PAX7: variants seen among roughly 807,000 people sequenced by gnomAD.
PAX7 encodes the protein paired box protein Pax-7.
A neutral mutation model predicts 50.7 loss-of-function variants in PAX7; 18 were observed. The observed-to-expected ratio is 0.36, with a 90% CI of 0.25 to 0.53. The LOEUF (loss-of-function observed/expected upper bound fraction) is 0.53, where lower values mean the gene tolerates loss of function less well. Among genes scored for constraint, PAX7 ranks in the 20% least tolerant of loss-of-function variants. PAX7 has a pLI of 0.93. For missense variants in PAX7, 644 were observed against 702.9 expected (o/e 0.92, Z 0.95); for synonymous variants, 310 against 290.4 (o/e 1.07, Z -0.69).
At chr1:18,743,829 C>T (rs1307344598) in intron 8 of PAX7, among the ~76,000 whole-genome samples, 3 of 152,248 alleles carry the variant, frequency 2.0e-5, no homozygotes, top group Admixed American at 6.5e-5. Flanking sequence ...AGTGCCTGCA[C>T]ATGCACTGGC....
rs56128615 is a variant in PAX7 at position 18,727,350 on chromosome 1, CCT to C, written c.1156-8264_1156-8263del. On this transcript the variant is annotated intron_variant, in intron 7 of 8. Coordinates refer to ENST00000420770, the MANE Select transcript of PAX7 (RefSeq NM_001135254.2). ...TTCACACATGCACACACTCTCTCATCCTCTCTCTCTCTCTCTCTCATACACAC... is the reference window on the plus strand; with the variant it reads ...TTCACACATGCACACACTCTCTCATCCTCTCTCTCTCTCTCTCATACACAC... Among the ~76,000 whole-genome samples the C allele has an allele frequency of 8.6e-3, 1,171 of 135,390 alleles. 9 individuals carry two copies. Among genetic ancestry groups the C allele is most frequent in the Non-Finnish European group, 0.013 (842 of 63,852 alleles). The allele number at this position is 135,390 out of a possible 152,430, so 88.8% of individuals were successfully genotyped here.
intron 8 of PAX7, among the ~76,000 whole-genome samples, chr1:18,737,044 T>C (rs1224273302): frequency 6.6e-6 from 1 of 152,276 alleles, no homozygotes; most frequent in Non-Finnish European, 1.5e-5. Flanking sequence ...CTTTGTGCCT[T>C]GCCTTGAGGC....
chr1:18,682,007 G>A (rs2088908620), intron 4 of PAX7, among the ~76,000 whole-genome samples: 1 of 152,156 alleles, frequency 6.6e-6, no homozygotes, highest in Non-Finnish European at 1.5e-5. Context: ...CAAAGTGCTG[G>A]GATTACAGGT....
rs552218701 is a variant in PAX7 at position 18,735,288 on chromosome 1, A to T, written c.1156-344A>T. Among the ~76,000 whole-genome samples the T allele has an allele frequency of 5.9e-5, 9 of 152,328 alleles. No homozygotes were observed. Among genetic ancestry groups the T allele is most frequent in the African/African-American group, 2.2e-4 (9 of 41,568 alleles). On this transcript the variant is annotated intron_variant, in intron 7 of 8. Transcript: ENST00000420770. The surrounding 1 kb of genome is among the most constrained non-coding windows in gnomAD (Gnocchi z 4.0). ...AGAGGCCTCATTAGCCAGTTCGTTC[A>T]TTCATGCATTCATTCATGCATTTAT...
chr1:18,687,331 G>A (rs1446544612), intron 4 of PAX7, among the ~76,000 whole-genome samples: 19 of 152,108 alleles, frequency 1.2e-4, no homozygotes, highest in Admixed American at 1.2e-3. Context: ...CACAGCTAGG[G>A]AAAGACAGAG....
intron 4 of PAX7, among the ~76,000 whole-genome samples, chr1:18,638,932 T>G (rs764508724): frequency 6.6e-6 from 1 of 152,182 alleles, no homozygotes. Flanking sequence ...GAGGCAGAGA[T>G]GCCCCATGGC....
intron 7 of PAX7, among the ~76,000 whole-genome samples, chr1:18,714,615 G>GCAAT (rs1287969643): frequency 1.3e-5 from 2 of 152,156 alleles, no homozygotes; most frequent in African/African-American, 4.8e-5. Context: ...TTACTGCTGT[G>GCAAT]GGCCTCAGTT....
At chr1:18,643,041 T>C (rs2088280991) in intron 4 of PAX7, among the ~76,000 whole-genome samples, 1 of 151,866 alleles carries the variant, frequency 6.6e-6, no homozygotes, top group African/African-American at 2.4e-5. Context: ...TTCAACCTCC[T>C]GGGAGAGGAA....
intron 4 of PAX7, among the ~76,000 whole-genome samples, chr1:18,641,553 C>T (rs1425673050): frequency 6.6e-6 from 1 of 152,176 alleles, no homozygotes; most frequent in East Asian, 1.9e-4. Context: ...GTGTTCCCCT[C>T]GGGGCACGCA....
Position 18,726,230 on chromosome 1 carries a change from C to T in PAX7, c.1156-9402C>T, listed in dbSNP as rs1224289075. ...AAAGCCATTCTGTTCCTCCCTCCAC[C>T]CCCACCTCACCTCTAGACAGTCCTT... On this transcript the variant is annotated intron_variant, in intron 7 of 8. Transcript: ENST00000420770. This position sits in a 1 kb window ranked among gnomAD's most constrained non-coding sequence, Gnocchi z 4.8. 6.6e-6 allele frequency among the ~76,000 whole-genome samples: 1 copy of T among 152,008 alleles called. No individual in the cohort carries two copies. Among genetic ancestry groups the T allele is most frequent in the African/African-American group, 2.4e-5 (1 of 41,382 alleles).
In PAX7 at chr1:18,636,436, A is replaced by G. The variant is rs1252016275; in HGVS notation, c.586+65A>G. The G allele has an allele frequency of 6.4e-6, 10 of 1,556,244 alleles. No homozygotes were observed. Among genetic ancestry groups the G allele is most frequent in the East Asian group, 2.3e-5 (1 of 44,356 alleles). ...TTTCCCACGCTCCGGTGTGCGGGCC[A>G]GTGGTTCGCTCCCGCCGCCGGAGCA... On this transcript the variant is annotated intron_variant, in intron 4 of 8. Coordinates refer to ENST00000420770, the MANE Select transcript of PAX7 (RefSeq NM_001135254.2). This position sits in a 1 kb window ranked among gnomAD's most constrained non-coding sequence, Gnocchi z 5.1.
intron 7 of PAX7, among the ~76,000 whole-genome samples, chr1:18,723,001 A>G (rs956356188): frequency 1.3e-5 from 2 of 152,186 alleles, no homozygotes; most frequent in South Asian, 2.1e-4. Context: ...TCAGGCACCA[A>G]TAAGACATTG....
chr1:18,633,627 A>G (rs2088095416), intron 1 of PAX7, among the ~76,000 whole-genome samples: 2 of 152,198 alleles, frequency 1.3e-5, no homozygotes, highest in Non-Finnish European at 2.9e-5. Flanking sequence ...AGAAGCAAGG[A>G]GAGTCACCCA....
At chr1:18,676,251 G>A (rs908318541) in intron 4 of PAX7, among the ~76,000 whole-genome samples, 2 of 152,092 alleles carry the variant, frequency 1.3e-5, no homozygotes, top group Non-Finnish European at 2.9e-5. Context: ...TTCCCAGAGT[G>A]TTGCAAATCA....
intron 4 of PAX7, among the ~76,000 whole-genome samples, chr1:18,667,425 AGGAAGGAAGG>A (rs2088685813): frequency 6.6e-6 from 1 of 151,142 alleles, no homozygotes; most frequent in Non-Finnish European, 1.5e-5. Flanking sequence ...GAAGGAAGGA[AGGAAGGAAGG>A]AAGGAAGGAA....
intron 5 of PAX7, among the ~76,000 whole-genome samples, chr1:18,699,578 T>TC (rs967823389): frequency 5.3e-5 from 8 of 151,764 alleles, no homozygotes; most frequent in African/African-American, 1.9e-4. Flanking sequence ...TTTTTTTTTT[T>TC]TGAGGCAGAG....
At chr1:18,656,427 A>G (rs536849512) in intron 4 of PAX7, among the ~76,000 whole-genome samples, 3 of 152,256 alleles carry the variant, frequency 2.0e-5, no homozygotes, top group African/African-American at 4.8e-5. Flanking sequence ...CGAACCTGGG[A>G]GGGCAGAGGT....
At chr1:18,725,989 T>TGG (rs2089562971) in intron 7 of PAX7, among the ~76,000 whole-genome samples, 1 of 143,190 alleles carries the variant, frequency 7.0e-6, no homozygotes, top group Admixed American at 7.0e-5. Context: ...AGTGTGTGTG[T>TGG]GTGTGCGCGC....
At position 18,746,986 on chromosome 1, in the gene PAX7, C is replaced by T; in HGVS notation, c.*2057C>T. ...AACTGGAGCGTCCACTGCCAGAGAC[C>T]TTTGGCTCTTCAAGCTCGGGACAAA... On this transcript the variant is annotated 3_prime_UTR_variant, in exon 9 of 9. Coordinates refer to ENST00000420770, the MANE Select transcript of PAX7 (RefSeq NM_001135254.2). The T allele has an allele frequency of 1.3e-5, 3 of 231,216 alleles. No homozygotes were observed. Among genetic ancestry groups the T allele is most frequent in the East Asian group, 6.1e-5 (1 of 16,318 alleles). 14.3% of individuals were successfully genotyped at this position (231,216 alleles called of 1,614,324 possible).
Sources: gnomAD v4.1 joint callset for allele counts (sites outside exome capture counted in the v4.1 genomes callset) on GRCh38, gnomAD v4.1.1 for gene constraint, Gnocchi (gnomAD v3.1) non-coding constraint, MANE v1.5 for transcripts, NCBI Gene and HGNC (gene_info 2026-07-23, HGNC 2026-07-21) for gene names.